DMD: variants seen among roughly 807,000 people sequenced by gnomAD.
DMD encodes dystrophin, also known as mutant dystrophin.
A neutral mutation model predicts 330.1 loss-of-function variants in DMD; 63 were observed. The ratio of observed to expected loss-of-function variants is 0.19; its 90% CI spans 0.16 to 0.24. The LOEUF is 0.24. Among genes scored for constraint, DMD ranks in the 10% least tolerant of loss-of-function variants. DMD has a pLI of 1.00. For synonymous variants in DMD, 1,223 were observed against 959.8 expected, an observed-to-expected ratio of 1.27 and a Z score of -5.07; for missense variants, 3,344 against 2,684.1, an observed-to-expected ratio of 1.25 and a Z score of -5.43.
chrX:32,464,571 A>G lies in DMD; in HGVS notation c.3276+15T>C, dbSNP rs1326181393. The G allele has an allele frequency of 1.8e-6, 2 of 1,097,704 alleles. No individual in the cohort carries two copies. Among genetic ancestry groups the G allele is most frequent in the African/African-American group, 1.8e-5 (1 of 55,076 alleles). 90.5% of individuals were successfully genotyped at this position (1,097,704 alleles called of 1,213,427 possible). ...CAAAATTATTCATATTAAAGGCATC[A>G]TATAAAAATCTTACTCTGCACTGTT... On this transcript the variant is annotated intron_variant, in intron 24 of 78. Coordinates refer to ENST00000357033, the MANE Select transcript of DMD (RefSeq NM_004006.3).
chrX:32,627,028 T>A (rs60376760), intron 11 of DMD, among the ~76,000 whole-genome samples: 11,333 of 103,456 alleles, frequency 0.11, 1,836 homozygotes, highest in African/African-American at 0.31. Context: ...CCAGCCCCAT[T>A]CCCCAACAAT....
chrX:31,593,656 A>C (rs2076979230), intron 55 of DMD, among the ~76,000 whole-genome samples: 1 of 111,078 alleles, frequency 9.0e-6, no homozygotes, highest in Admixed American at 9.6e-5. Flanking sequence ...TCGACTTTAT[A>C]GATTTTATTT....
At chrX:32,320,066 A>G (rs752324843) in intron 41 of DMD, among the ~76,000 whole-genome samples, 1 of 111,265 alleles carries the variant, frequency 9.0e-6, no homozygotes, top group East Asian at 2.8e-4. Context: ...ACAAGAAAAA[A>G]TAAGTATGGA....
intron 54 of DMD, among the ~76,000 whole-genome samples, chrX:31,646,787 G>T (rs747663673): frequency 9.8e-5 from 11 of 112,020 alleles, no homozygotes; most frequent in African/African-American, 3.2e-4. Context: ...TCTCTAAAGG[G>T]CCATGCAATT....
chrX:31,236,759 C>G (rs759167074), intron 63 of DMD, among the ~76,000 whole-genome samples: 1 of 111,919 alleles, frequency 8.9e-6, no homozygotes, highest in Non-Finnish European at 1.9e-5. Flanking sequence ...TTCATTAACT[C>G]TTTAGAGTTA....
intron 50 of DMD, among the ~76,000 whole-genome samples, chrX:31,778,949 C>T (rs72626004): frequency 9.0e-6 from 1 of 111,564 alleles, no homozygotes; most frequent in South Asian, 3.7e-4. Context: ...AACACATATG[C>T]GGTTCTTTCT....
rs770239678 is a variant in DMD at position 32,645,001 on chromosome X, T to C, written c.1112A>G (p.Asp371Gly). ...AAACTGGTCTTTCACCACTTCCACA[T>C]CATTAGAAATCTCTCCTTGTGCTTG... ...TLQAQGEISN[D>G]VEVVKDQFHT... Residue 371 changes from aspartate to glycine, a missense_variant, in exon 10 of 79, where the codon GAT becomes GGT. Coordinates refer to ENST00000357033, the MANE Select transcript of DMD (RefSeq NM_004006.3). The C allele has an allele frequency of 1.7e-6, 2 of 1,211,673 alleles. No individual in the cohort carries two copies. The highest frequency in any genetic ancestry group is 4.4e-5 in the Admixed American group (2 of 45,968).
chrX:31,328,115 G>A (rs991352854), intron 61 of DMD, among the ~76,000 whole-genome samples: 1 of 111,818 alleles, frequency 8.9e-6, no homozygotes, highest in African/African-American at 3.2e-5. Flanking sequence ...ATGATTTATT[G>A]AATAAATTCC....
chrX:31,122,967 T>A (rs190151865), intron 78 of DMD, among the ~76,000 whole-genome samples: 1 of 111,941 alleles, frequency 8.9e-6, no homozygotes, highest in East Asian at 2.8e-4. Flanking sequence ...CTTCCACTAT[T>A]CAAGTATTGT....
intron 7 of DMD, among the ~76,000 whole-genome samples, chrX:32,781,708 C>G (rs953629586): frequency 9.0e-6 from 1 of 110,633 alleles, no homozygotes; most frequent in Non-Finnish European, 1.9e-5. Flanking sequence ...CATGTATTGA[C>G]AAGATGGGCA....
At chrX:31,283,595 T>G (rs905265090) in intron 62 of DMD, among the ~76,000 whole-genome samples, 11 of 111,809 alleles carry the variant, frequency 9.8e-5, no homozygotes, top group African/African-American at 3.6e-4. Context: ...TTCATCATGA[T>G]TTATTTTCTA....
At chrX:31,298,558 A>G (rs1013724426) in intron 62 of DMD, among the ~76,000 whole-genome samples, 6 of 112,233 alleles carry the variant, frequency 5.3e-5, no homozygotes, top group Admixed American at 1.9e-4. Context: ...TCATTGACCT[A>G]TATCTACAAC....
intron 1 of DMD, among the ~76,000 whole-genome samples, chrX:33,233,186 A>G (rs2052418890): frequency 8.9e-6 from 1 of 112,225 alleles, no homozygotes; most frequent in Non-Finnish European, 1.9e-5. Context: ...TAACCTATAA[A>G]TACAAACAAA....
At position 32,558,938 on chromosome X, in the gene DMD, C is replaced by CTTTTTTT. The variant is rs60739281; in HGVS notation, c.1992+6757_1992+6763dup. ...TATTTGAGATGTAACTTCAAATTTT[C>CTTTTTTT]TTTTTTTTTTTTTTTTTTTTTTTTT... On this transcript the variant is annotated intron_variant, in intron 16 of 78. Transcript: ENST00000357033. 8.9e-4 allele frequency among the ~76,000 whole-genome samples: 45 copies of CTTTTTTT among 50,812 alleles called. 4 individuals carry two copies. The highest frequency in any genetic ancestry group is 1.6e-3 in the African/African-American group (16 of 9,736). 44.1% of individuals were successfully genotyped at this position (50,812 alleles called of 115,157 possible).
At position 31,831,849 on chromosome X, in the gene DMD, A is replaced by T. The variant is rs191311598; in HGVS notation, c.7200+4869T>A. On this transcript the variant is annotated intron_variant, in intron 49 of 78. Transcript: ENST00000357033. ...GATCTCCTGACTTTGTGATCCGCCCACCTTGGCCTCCCAAAGTGCTGGTAT... is the reference window on the plus strand; with the variant it reads ...GATCTCCTGACTTTGTGATCCGCCCTCCTTGGCCTCCCAAAGTGCTGGTAT... Among the ~76,000 whole-genome samples, 12 of 112,436 alleles carry T rather than the reference A, an allele frequency of 1.1e-4. No homozygotes were observed. In the South Asian group the frequency reaches 1.1e-3, roughly 10 times the overall value.
intron 60 of DMD, among the ~76,000 whole-genome samples, chrX:31,376,543 A>G (rs1275852418): frequency 1.8e-5 from 2 of 112,072 alleles, no homozygotes; most frequent in Non-Finnish European, 3.8e-5. Context: ...AAAAGAATAT[A>G]CAGAGTCAGG....
chrX:31,730,708 A>C (rs983286228), intron 51 of DMD, among the ~76,000 whole-genome samples: 75 of 111,566 alleles, frequency 6.7e-4, no homozygotes, highest in African/African-American at 2.0e-3. Flanking sequence ...AAATACAAGT[A>C]ATATTTACTG....
intron 1 of DMD, among the ~76,000 whole-genome samples, chrX:33,043,830 C>T (rs1296109828): frequency 1.0e-5 from 1 of 95,830 alleles, no homozygotes; most frequent in Admixed American, 1.1e-4. Context: ...GCTATCCCTC[C>T]CCCCTCCCCC....
intron 9 of DMD, among the ~76,000 whole-genome samples, chrX:32,674,840 A>G (rs1306829198): frequency 1.8e-5 from 2 of 111,520 alleles, no homozygotes; most frequent in Non-Finnish European, 3.8e-5. Flanking sequence ...AATCCATAAT[A>G]AAACTCTGTA....
Sources: allele counts gnomAD v4.1 joint callset (sites outside exome capture counted in the v4.1 genomes callset), GRCh38; gene constraint gnomAD v4.1.1; transcripts MANE v1.5; gene names NCBI Gene and HGNC (gene_info 2026-07-23, HGNC 2026-07-21).